Variants in SAMD4A observed in about 807,000 individuals in gnomAD.
SAMD4A encodes protein Smaug homolog 1.
SAMD4A carries 33 observed loss-of-function variants against 81.3 expected under a neutral mutation model. The ratio of observed to expected loss-of-function variants is 0.41; its 90% confidence interval spans 0.31 to 0.54. The LOEUF is 0.54. Ranked by LOEUF, SAMD4A falls within the 20% of genes least tolerant of loss-of-function variation. The probability of loss-of-function intolerance (pLI) is 0.37; values close to 1 mark genes in which losing one functional copy is unlikely to be tolerated. For synonymous variants in SAMD4A, 389 were observed against 382.1 expected, an observed-to-expected ratio of 1.02 and a Z score of -0.21; for missense variants, 854 against 951.1, an observed-to-expected ratio of 0.90 and a Z score of 1.34.
rs1163572373 is a variant in SAMD4A at position 54,724,751 on chromosome 14, A to C, written c.716-12273A>C. ...ATTAGGAGACCTGGGAACAGGGAAGAACGGTATAATTTGGTGCATTCCTTT... is the reference window on the plus strand; with the variant it reads ...ATTAGGAGACCTGGGAACAGGGAAGCACGGTATAATTTGGTGCATTCCTTT... On this transcript the variant is annotated intron_variant, in intron 3 of 12. Transcript: ENST00000554335. 8.5e-5 allele frequency among the ~76,000 whole-genome samples: 13 copies of C among 152,232 alleles called. No individual in the cohort carries two copies. In the South Asian group the frequency reaches 2.5e-3, roughly 29 times the overall value.
intron 2 of SAMD4A, among the ~76,000 whole-genome samples, chr14:54,596,509 T>C (rs1051015978): frequency 3.9e-5 from 6 of 152,114 alleles, no homozygotes; most frequent in African/African-American, 1.4e-4. Context: ...CGCTTGAACC[T>C]GGGAGGCACA....
intron 2 of SAMD4A, among the ~76,000 whole-genome samples, chr14:54,660,510 C>T (rs979846812): frequency 3.3e-5 from 5 of 152,178 alleles, no homozygotes; most frequent in African/African-American, 9.7e-5. Context: ...GTCCAAGGAG[C>T]TTTGAGTTTC....
chr14:54,687,827 A>T lies in SAMD4A; in HGVS notation c.197-14235A>T, dbSNP rs116487055. ...TAAAATGTTAAATGTTTGAGATGTG[A>T]CATGTAAGATAAGTGGAGGGAGCGT... is the stretch of plus-strand genomic sequence containing the variant. On this transcript the variant is annotated intron_variant, in intron 2 of 12. Transcript: ENST00000554335. 514 of 262,112 alleles carry T rather than the reference A, an allele frequency of 2.0e-3. 2 individuals are homozygous for T. Among genetic ancestry groups the T allele is most frequent in the African/African-American group, 0.011 (490 of 43,462 alleles). 16.2% of individuals were successfully genotyped at this position (262,112 alleles called of 1,614,324 possible). A position where few individuals can be genotyped will look rare whatever the true frequency, so the allele number is the denominator to read the frequency against.
chr14:54,566,056 G>A (rs1453038629), upstream of SAMD4A, among the ~76,000 whole-genome samples: 4 of 152,040 alleles, frequency 2.6e-5, no homozygotes, highest in African/African-American at 4.8e-5. Context: ...AGCCCATGAT[G>A]TAATGGTGTA....
At chr14:54,774,647 T>G (rs1375650223) in intron 9 of SAMD4A, among the ~76,000 whole-genome samples, 2 of 84,492 alleles carry the variant, frequency 2.4e-5, no homozygotes, top group Non-Finnish European at 5.8e-5. Flanking sequence ...AGACTCCATC[T>G]CTACCAAAAA....
rs372587630 is a variant in SAMD4A, at chr14:54,770,269, G to A, written c.1715+47G>A. ...TGTAATGCGTAGTGGTTCCCCTGGC[G>A]CCTTGTTGCCTACCTCGGTTCCTGG... On this transcript the variant is annotated intron_variant, in intron 9 of 12. Coordinates refer to ENST00000554335, the MANE Select transcript of SAMD4A (RefSeq NM_015589.6). The A allele has an allele frequency of 7.7e-5, 98 of 1,278,258 alleles. 1 individual carries two copies. The highest frequency in any genetic ancestry group is 6.1e-4 in the South Asian group (49 of 80,634). 79.2% of individuals were successfully genotyped at this position (1,278,258 alleles called of 1,614,324 possible).
chr14:54,765,460 GAA>G (rs11408246), intron 8 of SAMD4A, among the ~76,000 whole-genome samples: 4 of 119,396 alleles, frequency 3.4e-5, no homozygotes, highest in African/African-American at 9.4e-5. Flanking sequence ...CTGTCACTAC[GAA>G]AAAAAAAAAA....
chr14:54,666,246 G>A (rs1269634999), intron 2 of SAMD4A, among the ~76,000 whole-genome samples: 1 of 152,210 alleles, frequency 6.6e-6, no homozygotes, highest in Non-Finnish European at 1.5e-5. Flanking sequence ...ACTGGATATA[G>A]CAAAGCTACA....
At chr14:54,603,216 G>T (rs2034108273) in intron 2 of SAMD4A, among the ~76,000 whole-genome samples, 1 of 152,152 alleles carries the variant, frequency 6.6e-6, no homozygotes, top group African/African-American at 2.4e-5. Context: ...TCCATCAAGG[G>T]TATTGGTAGT....
At chr14:54,734,565 G>A (rs2037643286) in intron 3 of SAMD4A, among the ~76,000 whole-genome samples, 1 of 152,164 alleles carries the variant, frequency 6.6e-6, no homozygotes, top group Admixed American at 6.5e-5. Context: ...AAATGGGTGT[G>A]GGTTTCTATG....
intron 8 of SAMD4A, 85 bp from the exon 9 acceptor site, chr14:54,770,019 C>T: frequency 2.4e-6 from 2 of 850,872 alleles, no homozygotes; most frequent in Admixed American, 2.0e-5. Context: ...GCAGAGACTC[C>T]AATGTTTTCC....
At chr14:54,775,918 G>C (rs1286723406) in intron 10 of SAMD4A, among the ~76,000 whole-genome samples, 1 of 150,856 alleles carries the variant, frequency 6.6e-6, no homozygotes, top group Non-Finnish European at 1.5e-5. Flanking sequence ...TCAAGAAGAC[G>C]TCACTGCTGG....
chr14:54,748,981 C>A, intron 5 of SAMD4A, 57 bp downstream of exon 5: 1 of 1,272,206 alleles, frequency 7.9e-7, no homozygotes, highest in Non-Finnish European at 1.1e-6. Flanking sequence ...ACCTGAAGTT[C>A]AAGGCCTGGA....
intron 2 of SAMD4A, among the ~76,000 whole-genome samples, chr14:54,618,397 A>G (rs2034539689): frequency 6.6e-6 from 1 of 152,242 alleles, no homozygotes. Context: ...TTAAAAACCA[A>G]GAGATAATAA....
chr14:54,713,253 T>C (rs1315315592), intron 3 of SAMD4A, among the ~76,000 whole-genome samples: 1 of 152,138 alleles, frequency 6.6e-6, no homozygotes, highest in Non-Finnish European at 1.5e-5. Context: ...GAGGTGAGGG[T>C]AAATGTTAGT....
intron 2 of SAMD4A, among the ~76,000 whole-genome samples, chr14:54,673,533 G>C (rs973525823): frequency 6.6e-6 from 1 of 152,224 alleles, no homozygotes; most frequent in African/African-American, 2.4e-5. Flanking sequence ...TGGAAATTTG[G>C]ACTGGTTTCA....
intron 4 of SAMD4A, among the ~76,000 whole-genome samples, chr14:54,746,774 C>A (rs1428702344): frequency 1.3e-5 from 2 of 152,200 alleles, no homozygotes; most frequent in African/African-American, 4.8e-5. Flanking sequence ...TGCCCAAGAG[C>A]AGCACTGGGT....
At chr14:54,676,185 G>T (rs1254207779) in intron 2 of SAMD4A, among the ~76,000 whole-genome samples, 1 of 152,154 alleles carries the variant, frequency 6.6e-6, no homozygotes, top group Non-Finnish European at 1.5e-5. Context: ...ACTGGCTCCT[G>T]ACAGTCACCC....
intron 2 of SAMD4A, among the ~76,000 whole-genome samples, chr14:54,614,525 G>A (rs961729410): frequency 2.0e-5 from 3 of 152,158 alleles, no homozygotes; most frequent in African/African-American, 4.8e-5. Context: ...ATAACAAAAG[G>A]GACTTTTAAG....
Sources: allele counts gnomAD v4.1 joint callset (sites outside exome capture counted in the v4.1 genomes callset), GRCh38; gene constraint gnomAD v4.1.1; transcripts MANE v1.5; gene names NCBI Gene and HGNC (gene_info 2026-07-23, HGNC 2026-07-21).